Variants in PSG6 observed in about 807,000 individuals in gnomAD.
PSG6 encodes pregnancy specific beta-1-glycoprotein 6.
Under a neutral mutation model 43.3 loss-of-function variants are expected in PSG6, and 51 were observed. The ratio of observed to expected loss-of-function variants is 1.18; its 90% CI spans 0.94 to 1.49. The LOEUF (loss-of-function observed/expected upper bound fraction) is 1.49, where lower values mean the gene tolerates loss of function less well. PSG6 is among the 40% of genes most tolerant of loss of function. PSG6 has a pLI of 0.00. For missense variants in PSG6, 770 were observed against 522.2 expected (o/e 1.47, Z -4.62); for synonymous variants, 292 against 197.6 (o/e 1.48, Z -4.01).
intron 2 of PSG6, among the ~76,000 whole-genome samples, chr19:42,911,928 G>T (rs570287974): frequency 6.6e-6 from 1 of 151,550 alleles, no homozygotes; most frequent in Non-Finnish European, 1.5e-5. Flanking sequence ...TTGTTCCGTG[G>T]GTGTGCGGTT....
intron 5 of PSG6, among the ~76,000 whole-genome samples, chr19:42,904,030 C>T (rs1161532606): frequency 6.6e-6 from 1 of 151,630 alleles, no homozygotes; most frequent in Non-Finnish European, 1.5e-5. Context: ...AGACAAACTC[C>T]TAGAAACACA....
Position 42,910,818 on chromosome 19 carries a change from G to T in PSG6, c.468C>A (p.Asn156Lys), listed in dbSNP as rs1393138379. ...GCACAGCCTCCATGACCTCCCTGGG[G>T]TTTAAGTTGCTGCTGGAGATGGAGG... is the stretch of plus-strand genomic sequence containing the variant. ...PKPSISSSNLNPREVMEAVRL... is the reference protein window; with the variant it reads ...PKPSISSSNLKPREVMEAVRL... Residue 156 changes from asparagine (N) to lysine (K), a missense_variant, in exon 3 of 6, where the codon AAC (asparagine) becomes AAA (lysine). Transcript: ENST00000187910. The T allele has an allele frequency of 1.2e-6, 2 of 1,612,004 alleles. No individual in the cohort carries two copies. Among genetic ancestry groups the T allele is most frequent in the Non-Finnish European group, 1.7e-6 (2 of 1,179,040 alleles).
At chr19:42,907,912 C>T (rs1422751972) in intron 3 of PSG6, 58 bp from the exon 4 acceptor site, 1 of 1,589,250 alleles carries the variant, frequency 6.3e-7, no homozygotes, top group Non-Finnish European at 8.6e-7. Context: ...CACAGGCATC[C>T]TTCATTCAGA....
intron 2 of PSG6, among the ~76,000 whole-genome samples, chr19:42,913,575 C>A (rs144097952): frequency 4.0e-5 from 6 of 151,710 alleles, no homozygotes; most frequent in African/African-American, 1.5e-4. Flanking sequence ...AGAAAGTGAC[C>A]GGAGAATGTG....
At chr19:42,909,274 G>A (rs1272681586) in intron 3 of PSG6, among the ~76,000 whole-genome samples, 2 of 151,360 alleles carry the variant, frequency 1.3e-5, no homozygotes, top group African/African-American at 4.9e-5. Context: ...TGGCCATGCT[G>A]CACTCGTATA....
chr19:42,914,191 T>C (rs1284895008), intron 2 of PSG6, among the ~76,000 whole-genome samples: 1 of 151,316 alleles, frequency 6.6e-6, no homozygotes, highest in Non-Finnish European at 1.5e-5. Context: ...GTGGAAGGTT[T>C]CTCTTAGTGA....
At chr19:42,916,558 C>G in intron 1 of PSG6, 71 bp from the exon 2 acceptor site, 1 of 1,534,822 alleles carries the variant, frequency 6.5e-7, no homozygotes, top group Middle Eastern at 1.8e-4. Context: ...GGCCCTGTGT[C>G]CTGAGAAGGT....
chr19:42,909,705 C>T (rs1488001282), intron 3 of PSG6: 1 of 151,602 alleles, frequency 6.6e-6, no homozygotes, highest in Admixed American at 6.6e-5. Context: ...CCTTAACTTC[C>T]TTTCAGATTG....
intron 5 of PSG6, among the ~76,000 whole-genome samples, chr19:42,904,768 T>C (rs1033032110): frequency 6.6e-6 from 1 of 151,618 alleles, no homozygotes; most frequent in Non-Finnish European, 1.5e-5. Flanking sequence ...AGTGACATTT[T>C]TGCAGAAAAA....
intron 1 of PSG6, 72 bp downstream of exon 1, chr19:42,917,657 T>C: frequency 6.3e-7 from 1 of 1,585,930 alleles, no homozygotes; most frequent in Non-Finnish European, 8.6e-7. Context: ...TAGAACCCCA[T>C]CCTCTCCAGG....
Position 42,906,689 on chromosome 19 carries a change from A to C in PSG6, c.1240+233T>G. 14 of 1,448,576 alleles carry C rather than the reference A, an allele frequency of 9.7e-6. 2 individuals are homozygous for C. The highest frequency in any genetic ancestry group is 1.3e-5 in the Non-Finnish European group (14 of 1,091,932). The allele number at this position is 1,448,576 out of a possible 1,614,324, so 89.7% of individuals were successfully genotyped here. On this transcript the variant is annotated intron_variant, in intron 5 of 5. Transcript: ENST00000187910. ...TACCACATAGGGCTCAGGGCTGATA[A>C]AGCCCCCTCCCTACCTTTCTCAGGC...
chr19:42,903,414 G>A (rs760936736), intron 5 of PSG6, among the ~76,000 whole-genome samples: 8 of 151,336 alleles, frequency 5.3e-5, no homozygotes, highest in Non-Finnish European at 8.8e-5. Context: ...CTAAACCCAA[G>A]CACAGTGAAT....
chr19:42,906,887 A>T, intron 5 of PSG6, 35 bp downstream of exon 5: 1 of 1,611,930 alleles, frequency 6.2e-7, no homozygotes, highest in Non-Finnish European at 8.5e-7. Flanking sequence ...ACTCCACCTA[A>T]AACCCTATTG....
At chr19:42,907,213 C>T in intron 4 of PSG6, 37 bp from the exon 5 acceptor site, 1 of 1,598,686 alleles carries the variant, frequency 6.3e-7, no homozygotes, top group Non-Finnish European at 8.5e-7. Flanking sequence ...GTGATGTCAT[C>T]CAAGGGAAGG....
intron 3 of PSG6, among the ~76,000 whole-genome samples, chr19:42,908,755 CAA>C (rs1308901736): frequency 2.6e-5 from 4 of 151,714 alleles, no homozygotes; most frequent in African/African-American, 9.7e-5. Context: ...GGATATGAGA[CAA>C]ATTTGGAGAG....
intron 5 of PSG6, among the ~76,000 whole-genome samples, chr19:42,904,827 C>T (rs1234035681): frequency 6.6e-6 from 1 of 151,618 alleles, no homozygotes; most frequent in Non-Finnish European, 1.5e-5. Flanking sequence ...TCTAAATAGA[C>T]ACACAGCTTT....
rs747320217 is a variant in PSG6 at position 42,910,774 on chromosome 19, T to G, written c.512A>C (p.Glu171Ala). The G allele has an allele frequency of 6.2e-7, 1 of 1,612,354 alleles. No individual in the cohort carries two copies. The highest frequency in any genetic ancestry group is 1.1e-5 in the South Asian group (1 of 90,616). Residue 171 changes from glutamate (E) to alanine (A), a missense_variant, in exon 3 of 6, where the codon GAG (glutamate) becomes GCG (alanine). Physicochemically the swap from Glu to Ala is moderately radical, Grantham distance 107. Coordinates refer to ENST00000187910, the MANE Select transcript of PSG6 (RefSeq NM_001031850.4). The part of the protein sequence containing the change: ...MEAVRLICDP[E>A]TPDASYLWLL... Reference sequence around the variant, plus strand: ...CCACAGGTAGCTTGCATCCGGAGTCTCAGGATCACAGATTAAGCGCACAGC... The same window carrying G: ...CCACAGGTAGCTTGCATCCGGAGTCGCAGGATCACAGATTAAGCGCACAGC...
At chr19:42,916,926 T>G (rs8101498) in intron 1 of PSG6, among the ~76,000 whole-genome samples, 20,446 of 151,174 alleles carry the variant, frequency 0.14, 1,807 homozygotes, top group Admixed American at 0.18. Context: ...TCACATTCTA[T>G]ATCTCTTTGC....
intron 1 of PSG6, among the ~76,000 whole-genome samples, 159 bp from the exon 2 acceptor site, chr19:42,916,646 G>C (rs1446966023): frequency 6.6e-6 from 1 of 150,904 alleles, no homozygotes; most frequent in African/African-American, 2.4e-5. Context: ...GTGTGTTTGT[G>C]TGTGTGTATG....
Sources: allele counts gnomAD v4.1 joint callset (sites outside exome capture counted in the v4.1 genomes callset), GRCh38; gene constraint gnomAD v4.1.1; transcripts MANE v1.5; gene names NCBI Gene and HGNC (gene_info 2026-07-23, HGNC 2026-07-21).